Variants in NTM observed in about 807,000 individuals in gnomAD.
NTM encodes the protein neurotrimin.
NTM carries 13 observed loss-of-function variants against 42.1 expected under a neutral mutation model. The ratio of observed to expected loss-of-function variants is 0.31; its 90% confidence interval spans 0.20 to 0.49. The LOEUF is 0.49. Ranked by LOEUF, NTM falls within the 20% of genes least tolerant of loss-of-function variation. The probability of loss-of-function intolerance (pLI) is 0.99; values close to 1 mark genes in which losing one functional copy is unlikely to be tolerated. For synonymous variants in NTM, 187 were observed against 179.2 expected, an observed-to-expected ratio of 1.04 and a Z score of -0.35; for missense variants, 373 against 452.8, an observed-to-expected ratio of 0.82 and a Z score of 1.60.
At chr11:131,603,734 C>T (rs2060683738) in intron 1 of NTM, among the ~76,000 whole-genome samples, 1 of 152,154 alleles carries the variant, frequency 6.6e-6, no homozygotes, top group Non-Finnish European at 1.5e-5. Context: ...TGCTAATGTT[C>T]CCACAGATTT....
intron 1 of NTM, among the ~76,000 whole-genome samples, chr11:131,454,532 C>A (rs760046566): frequency 2.0e-5 from 3 of 152,170 alleles, no homozygotes; most frequent in Non-Finnish European, 4.4e-5. Flanking sequence ...CTGCTTCCTG[C>A]GCTTTACAGA....
intron 1 of NTM, among the ~76,000 whole-genome samples, chr11:131,528,871 T>C (rs1006605098): frequency 6.6e-6 from 1 of 152,238 alleles, no homozygotes; most frequent in African/African-American, 2.4e-5. Context: ...GACATTTGAT[T>C]TGATTTGATT....
Position 131,699,825 on chromosome 11 carries a change from C to G in NTM, c.83-211739C>G, listed in dbSNP as rs1453503369. 2.0e-5 allele frequency among the ~76,000 whole-genome samples: 3 copies of G among 152,084 alleles called. No homozygotes were observed. In the East Asian group the frequency reaches 5.8e-4, roughly 29 times the overall value. ...ATTACCTCCCACCAGGTCCCTCCCACTACACCTGGAGATTATAGGAACTAC... is the reference window on the plus strand; with the variant it reads ...ATTACCTCCCACCAGGTCCCTCCCAGTACACCTGGAGATTATAGGAACTAC... On this transcript the variant is annotated intron_variant, in intron 1 of 8. Transcript: ENST00000683400.
intron 2 of NTM, among the ~76,000 whole-genome samples, chr11:131,933,647 A>C (rs2058880347): frequency 6.6e-6 from 1 of 151,914 alleles, no homozygotes; most frequent in African/African-American, 2.4e-5. Context: ...TTAGTGCTTT[A>C]GTGTCCTCTT....
At chr11:132,138,688 A>G (rs532293678) in intron 2 of NTM, among the ~76,000 whole-genome samples, 1 of 152,128 alleles carries the variant, frequency 6.6e-6, no homozygotes, top group Non-Finnish European at 1.5e-5. Context: ...TCTCAGTCCA[A>G]AGGCCTGAGA....
At chr11:131,699,151 A>G (rs372307002) in intron 1 of NTM, among the ~76,000 whole-genome samples, 1 of 152,254 alleles carries the variant, frequency 6.6e-6, no homozygotes, top group South Asian at 2.1e-4. Flanking sequence ...CCCACATTGG[A>G]CAAGGAGGGA....
At chr11:131,635,555 G>A (rs1429295499) in intron 1 of NTM, among the ~76,000 whole-genome samples, 1 of 152,008 alleles carries the variant, frequency 6.6e-6, no homozygotes, top group African/African-American at 2.4e-5. Context: ...CTATAAAAGA[G>A]TTTAAAAGTT....
intron 2 of NTM, among the ~76,000 whole-genome samples, chr11:132,103,929 C>T (rs765111023): frequency 9.2e-5 from 14 of 152,196 alleles, no homozygotes; most frequent in Middle Eastern, 3.2e-3. Flanking sequence ...CATCAGCAGA[C>T]CTAGGCATAG....
chr11:132,225,669 CA>C (rs2086089404), intron 4 of NTM, among the ~76,000 whole-genome samples: 1 of 152,068 alleles, frequency 6.6e-6, no homozygotes, highest in Non-Finnish European at 1.5e-5. Context: ...AGCAGGAGAG[CA>C]AAATAATTTA....
intron 2 of NTM, among the ~76,000 whole-genome samples, chr11:131,959,027 G>A (rs1421848139): frequency 6.6e-6 from 1 of 152,124 alleles, no homozygotes; most frequent in African/African-American, 2.4e-5. Flanking sequence ...AAAAGACTTT[G>A]TTACTCGTGG....
intron 3 of NTM, among the ~76,000 whole-genome samples, chr11:132,200,619 C>T (rs970791092): frequency 3.3e-4 from 50 of 152,164 alleles, no homozygotes; most frequent in African/African-American, 1.2e-3. Context: ...ATTAAAGTGC[C>T]GATGACGCCA....
intron 4 of NTM, among the ~76,000 whole-genome samples, chr11:132,272,402 A>G (rs1359546564): frequency 1.3e-5 from 2 of 152,136 alleles, no homozygotes; most frequent in African/African-American, 4.8e-5. Context: ...CAGCTTGTCA[A>G]TCTCAGCAAA....
intron 1 of NTM, among the ~76,000 whole-genome samples, chr11:131,558,555 A>G (rs1351617335): frequency 6.6e-6 from 1 of 152,142 alleles, no homozygotes; most frequent in Non-Finnish European, 1.5e-5. Context: ...AGGATTTCCT[A>G]CCTTTTTGGT....
intron 2 of NTM, among the ~76,000 whole-genome samples, chr11:132,046,385 AG>A (rs1269945968): frequency 1.4e-5 from 2 of 143,360 alleles, no homozygotes; most frequent in Non-Finnish European, 3.0e-5. Context: ...AAAAAGGAAA[AG>A]AAAAAAAAAA....
chr11:131,958,219 C>A (rs1158653568), intron 2 of NTM, among the ~76,000 whole-genome samples: 1 of 152,098 alleles, frequency 6.6e-6, no homozygotes, highest in East Asian at 1.9e-4. Context: ...TCTTTAGAGA[C>A]ATAGAACGTA....
At chr11:131,685,116 G>A (rs2073659108) in intron 1 of NTM, among the ~76,000 whole-genome samples, 1 of 152,236 alleles carries the variant, frequency 6.6e-6, no homozygotes, top group Admixed American at 6.5e-5. Context: ...GGTGTCATGT[G>A]TAATTGTTAC....
chr11:131,603,306 A>C (rs1293982335), intron 1 of NTM, among the ~76,000 whole-genome samples: 1 of 152,002 alleles, frequency 6.6e-6, no homozygotes, highest in East Asian at 1.9e-4. Flanking sequence ...AGTGCTTCTC[A>C]ATTATAATGT....
At chr11:131,600,155 A>T (rs1464109338) in intron 1 of NTM, among the ~76,000 whole-genome samples, 1 of 152,188 alleles carries the variant, frequency 6.6e-6, no homozygotes, top group Non-Finnish European at 1.5e-5. Context: ...CCCTCCTCCC[A>T]GCAGCCCTCT....
rs1249940198 is a variant in NTM at position 131,789,654 on chromosome 11, GAAGAAGAAGAAGA to G, written c.83-121906_83-121894del. ...AAGAAGAAAAGAAGAAGAAGAAGAAGAAGAAGAAGAAGAAAGCATGGGCCGGGGGCGGTGGCTC... is the reference window on the plus strand; with the variant it reads ...AAGAAGAAAAGAAGAAGAAGAAGAAGAAGCATGGGCCGGGGGCGGTGGCTC... On this transcript the variant is annotated intron_variant, in intron 1 of 8. Transcript: ENST00000683400. Among the ~76,000 whole-genome samples the G allele has an allele frequency of 2.0e-3, 271 of 138,246 alleles. 9 individuals are homozygous for G. Among genetic ancestry groups the G allele is most frequent in the African/African-American group, 6.9e-3 (253 of 36,598 alleles). The allele number at this position is 138,246 out of a possible 152,430, so 90.7% of individuals were successfully genotyped here. A position where few individuals can be genotyped will look rare whatever the true frequency, so the allele number is the denominator to read the frequency against.
Sources: gnomAD v4.1 joint callset for allele counts (sites outside exome capture counted in the v4.1 genomes callset) on GRCh38, gnomAD v4.1.1 for gene constraint, MANE v1.5 for transcripts, NCBI Gene and HGNC (gene_info 2026-07-23, HGNC 2026-07-21) for gene names.